TNR: variants seen among roughly 807,000 people sequenced by gnomAD.
TNR encodes the protein tenascin-R.
In TNR, 45 loss-of-function variants were observed where a neutral mutation model predicts 150.4. That is an observed-to-expected ratio of 0.30 (90% CI 0.24 to 0.38). The LOEUF (loss-of-function observed/expected upper bound fraction) is 0.38, where lower values mean the gene tolerates loss of function less well. TNR is among the 10% of genes least tolerant of loss of function. The probability of loss-of-function intolerance (pLI) is 1.00; values close to 1 mark genes in which losing one functional copy is unlikely to be tolerated. For missense variants in TNR, 1,544 were observed against 1,759.1 expected (o/e 0.88, Z 2.19); for synonymous variants, 687 against 678.4 (o/e 1.01, Z -0.20).
chr1:175,391,794 AG>A (rs1424696795), intron 6 of TNR, among the ~76,000 whole-genome samples: 1 of 152,210 alleles, frequency 6.6e-6, no homozygotes, highest in African/African-American at 2.4e-5. Flanking sequence ...CATTCATCAG[AG>A]GTTTTTGGCA....
chr1:175,486,275 T>A (rs1658009018), intron 2 of TNR, among the ~76,000 whole-genome samples: 1 of 151,694 alleles, frequency 6.6e-6, no homozygotes, highest in East Asian at 1.9e-4. Context: ...CCCTTCCCTA[T>A]CCCCCCACCC....
chr1:175,696,217 G>GTTTTTTTTTTTTT (rs5778870), intron 1 of TNR, among the ~76,000 whole-genome samples: 1 of 40,470 alleles, frequency 2.5e-5, no homozygotes, highest in African/African-American at 7.6e-5. Flanking sequence ...CCTTCCTGTA[G>GTTTTTTTTTTTTT]TTTTTTTTTT....
At chr1:175,710,739 T>C (rs1239221735) in intron 1 of TNR, among the ~76,000 whole-genome samples, 1 of 151,906 alleles carries the variant, frequency 6.6e-6, no homozygotes, top group East Asian at 1.9e-4. Flanking sequence ...GTCTCAGGAG[T>C]CTCACTCACT....
chr1:175,696,227 T>TTTGTTGTTGTTG (rs1553254736), intron 1 of TNR, among the ~76,000 whole-genome samples: 19 of 74,000 alleles, frequency 2.6e-4, no homozygotes, highest in Admixed American at 1.0e-3. Flanking sequence ...GTTTTTTTTT[T>TTTGTTGTTGTTG]TTTTTTTTTT....
chr1:175,558,262 T>TA (rs1451641101), intron 1 of TNR, among the ~76,000 whole-genome samples: 2 of 135,020 alleles, frequency 1.5e-5, no homozygotes, highest in African/African-American at 5.5e-5. Flanking sequence ...CCCTAAAACT[T>TA]AAAGTATAAT....
chr1:175,643,768 A>G (rs945316707), intron 1 of TNR, among the ~76,000 whole-genome samples: 2 of 152,222 alleles, frequency 1.3e-5, no homozygotes, highest in Non-Finnish European at 2.9e-5. Context: ...TATCTATTCA[A>G]TATTCAGCAA....
At chr1:175,679,671 G>A (rs763718872) in intron 1 of TNR, among the ~76,000 whole-genome samples, 6 of 152,188 alleles carry the variant, frequency 3.9e-5, no homozygotes, top group Non-Finnish European at 7.3e-5. Context: ...TTGAGCAGGT[G>A]TGAGGGATGG....
chr1:175,692,936 C>T (rs1437842986), intron 1 of TNR, among the ~76,000 whole-genome samples: 2 of 152,172 alleles, frequency 1.3e-5, no homozygotes, highest in Admixed American at 6.5e-5. Flanking sequence ...AATGTTCACC[C>T]ATTCATTCAT....
intron 18 of TNR, among the ~76,000 whole-genome samples, chr1:175,344,245 CTTTCCCT>C (rs1300537549): frequency 6.6e-6 from 1 of 152,342 alleles, no homozygotes. Flanking sequence ...ATCCAGGACA[CTTTCCCT>C]TTCCATCTGA....
chr1:175,409,542 T>C (rs958024383), intron 2 of TNR, among the ~76,000 whole-genome samples: 3 of 152,208 alleles, frequency 2.0e-5, no homozygotes, highest in Non-Finnish European at 2.9e-5. Context: ...TGGTCAACGG[T>C]GTGATTTTTG....
At chr1:175,620,007 A>G (rs1205082925) in intron 1 of TNR, among the ~76,000 whole-genome samples, 4 of 152,204 alleles carry the variant, frequency 2.6e-5, no homozygotes, top group Admixed American at 2.6e-4. Flanking sequence ...CACCAATTAA[A>G]TGGAAGGGGA....
At chr1:175,571,187 A>G (rs1446224008) in intron 1 of TNR, among the ~76,000 whole-genome samples, 1 of 152,208 alleles carries the variant, frequency 6.6e-6, no homozygotes, top group African/African-American at 2.4e-5. Flanking sequence ...AGAAGCTATC[A>G]TAACATGGGA....
intron 2 of TNR, among the ~76,000 whole-genome samples, chr1:175,509,462 T>G (rs1659081493): frequency 6.6e-6 from 1 of 152,178 alleles, no homozygotes; most frequent in Non-Finnish European, 1.5e-5. Flanking sequence ...GCCTCCTGAT[T>G]TTCTTGGCTC....
chr1:175,525,690 A>T (rs1190112093), intron 2 of TNR, among the ~76,000 whole-genome samples: 1 of 152,190 alleles, frequency 6.6e-6, no homozygotes, highest in East Asian at 1.9e-4. Context: ...CCTCCAGGGA[A>T]ATATGGTGGG....
At chr1:175,604,860 A>C (rs982215237) in intron 1 of TNR, among the ~76,000 whole-genome samples, 1 of 152,218 alleles carries the variant, frequency 6.6e-6, no homozygotes, top group African/African-American at 2.4e-5. Flanking sequence ...GATAGAAATC[A>C]TACCTGTAAG....
intron 3 of TNR, among the ~76,000 whole-genome samples, chr1:175,404,793 C>G (rs1404620283): frequency 2.0e-5 from 3 of 152,352 alleles, no homozygotes; most frequent in Admixed American, 2.0e-4. Context: ...TTCCCCTATT[C>G]TCCTGCTCCA....
chr1:175,361,261 C>G (rs139362829), intron 14 of TNR, among the ~76,000 whole-genome samples: 2 of 152,138 alleles, frequency 1.3e-5, no homozygotes, highest in Non-Finnish European at 2.9e-5. Flanking sequence ...TTGCTGGTCT[C>G]TTTTATCTTG....
chr1:175,366,993 C>T (rs1196941519), intron 10 of TNR, among the ~76,000 whole-genome samples: 1 of 152,202 alleles, frequency 6.6e-6, no homozygotes, highest in Non-Finnish European at 1.5e-5. Flanking sequence ...GGGGACCGAG[C>T]ACAGGTCTGT....
intron 2 of TNR, among the ~76,000 whole-genome samples, chr1:175,447,020 G>A (rs1042172091): frequency 1.3e-5 from 2 of 152,142 alleles, no homozygotes; most frequent in African/African-American, 2.4e-5. Context: ...TATATGTGTG[G>A]TATGTTATAT....
Sources: gnomAD v4.1 joint callset for allele counts (sites outside exome capture counted in the v4.1 genomes callset) on GRCh38, gnomAD v4.1.1 for gene constraint, MANE v1.5 for transcripts, NCBI Gene and HGNC (gene_info 2026-07-23, HGNC 2026-07-21) for gene names.